ZNF611: variants seen among roughly 807,000 people sequenced by gnomAD.
ZNF611 encodes zinc finger protein 611.
ZNF611 carries 6 observed loss-of-function variants against 8.9 expected under a neutral mutation model. That is an observed-to-expected ratio of 0.68 (90% CI 0.37 to 1.34). The LOEUF is 1.34. ZNF611 is among the 40% of genes most tolerant of loss of function. The pLI is 0.02. For synonymous variants in ZNF611, 262 were observed against 279.7 expected (o/e 0.94, Z 0.63); for missense variants, 874 against 841.3 (o/e 1.04, Z -0.48).
chr19:52,718,488 G>T (rs142101491), intron 3 of ZNF611, among the ~76,000 whole-genome samples: 8,874 of 151,792 alleles, frequency 0.058, 827 homozygotes, highest in African/African-American at 0.2. Context: ...CTGGACAGCA[G>T]TAAGAGTGTC....
intron 3 of ZNF611, among the ~76,000 whole-genome samples, chr19:52,722,312 G>T (rs927709018): frequency 5.3e-5 from 8 of 152,120 alleles, no homozygotes; most frequent in African/African-American, 1.9e-4. Context: ...AGCCTAAGAG[G>T]TCGAGGCTGC....
At chr19:52,732,332 T>C (rs959167861) in intron 1 of ZNF611, among the ~76,000 whole-genome samples, 1 of 138,248 alleles carries the variant, frequency 7.2e-6, no homozygotes, top group Non-Finnish European at 1.6e-5. Context: ...ACTCACAGTA[T>C]TGAGTTATTC....
intron 3 of ZNF611, among the ~76,000 whole-genome samples, chr19:52,719,033 G>T (rs1238461003): frequency 6.6e-6 from 1 of 151,814 alleles, no homozygotes; most frequent in Admixed American, 6.6e-5. Context: ...AGACAGGTGT[G>T]GTGGCAGCTG....
intron 5 of ZNF611, 132 bp downstream of exon 5, chr19:52,713,882 AC>A (rs1282274765): frequency 1.3e-6 from 2 of 1,525,652 alleles, no homozygotes; most frequent in East Asian, 4.5e-5. Context: ...TAGGAGCGAA[AC>A]ACCATCTCAA....
intron 3 of ZNF611, among the ~76,000 whole-genome samples, chr19:52,718,357 TA>T (rs1215041884): frequency 1.3e-4 from 19 of 151,442 alleles, no homozygotes; most frequent in African/African-American, 4.1e-4. Context: ...ATCTAAACAT[TA>T]GCCAGGCCTG....
chr19:52,707,057 T>TTA (rs2062250679), intron 5 of ZNF611, among the ~76,000 whole-genome samples, 193 bp from the exon 6 acceptor site: 2 of 152,176 alleles, frequency 1.3e-5, no homozygotes, highest in Non-Finnish European at 2.9e-5. Flanking sequence ...GACAATTCTA[T>TTA]GAAAGCCTAT....
chr19:52,705,770 T>C lies in ZNF611; in HGVS notation c.1285A>G (p.Asn429Asp), dbSNP rs147541550. Residue 429 changes from asparagine (N) to aspartate (D), a missense_variant, in exon 6 of 6, where the codon AAT (asparagine) becomes GAT (aspartate). By Grantham distance (23) the Asn-to-Asp change is conservative (BLOSUM62 1). Transcript: ENST00000652185. ...TGACTGAAGGTCTTGCCACACTCAT[T>C]ACATTTATAAGTTTTCTTTGCAGTA... ...IHTAKKTYKC[N>D]ECGKTFSHKS... is the part of the protein sequence containing the mutation. The C allele has an allele frequency of 5.8e-5, 93 of 1,614,092 alleles. No homozygotes were observed. In the African/African-American group the frequency reaches 1.2e-3, roughly 21 times the overall value.
rs753252571 is a variant in ZNF611 at position 52,704,960 on chromosome 19, T to C, written c.2095A>G (p.Ile699Val). Residue 699 changes from isoleucine (I) to valine (V), a missense_variant, in exon 6 of 6, where the codon ATT becomes GTT. By Grantham distance (29) the Ile-to-Val change is conservative. Transcript: ENST00000652185. ...TTCTAAGGTTTCTCTCCAGTATGAA[T>C]TCTATGATGACGTGAAAGGTGTGAT... ...QQSHLSRHHRIHTGEKP is the reference protein window; with the variant it reads ...QQSHLSRHHRVHTGEKP The C allele has an allele frequency of 2.5e-6, 4 of 1,614,158 alleles. No individual in the cohort carries two copies. Among genetic ancestry groups the C allele is most frequent in the Non-Finnish European group, 2.5e-6 (3 of 1,180,018 alleles).
At chr19:52,723,771 T>C (rs1417864918) in intron 3 of ZNF611, 2 of 152,184 alleles carry the variant, frequency 1.3e-5, no homozygotes, top group Admixed American at 1.3e-4. Context: ...GAGAGGGGGA[T>C]GTGGAAGGAC....
rs1290869100 is a variant in ZNF611, at chr19:52,734,539, G to A, written c.-222+462C>T. 3.4e-4 allele frequency among the ~76,000 whole-genome samples: 18 copies of A among 52,224 alleles called. No individual in the cohort carries two copies. In the South Asian group the frequency reaches 3.8e-3, roughly 11 times the overall value. The allele number at this position is 52,224 out of a possible 152,430, so 34.3% of individuals were successfully genotyped here. A position where few individuals can be genotyped will look rare whatever the true frequency, so the allele number is the denominator to read the frequency against. Reference sequence around the variant, plus strand: ...GCATGAGGAGGAAGGTGCGGGGCGGGGGGGGGGGGCGCGACGGCGCCTTAG... The same window carrying A: ...GCATGAGGAGGAAGGTGCGGGGCGGAGGGGGGGGGCGCGACGGCGCCTTAG... On this transcript the variant is annotated intron_variant, in intron 1 of 5. Transcript: ENST00000652185.
intron 3 of ZNF611, chr19:52,721,216 G>A (rs768633427): frequency 3.8e-5 from 6 of 157,806 alleles, no homozygotes; most frequent in African/African-American, 1.2e-4. Flanking sequence ...CGGGCAGAGA[G>A]GCTCCTCACA....
chr19:52,729,644 C>T (rs2062413712), intron 2 of ZNF611, among the ~76,000 whole-genome samples: 1 of 151,908 alleles, frequency 6.6e-6, no homozygotes, highest in African/African-American at 2.4e-5. Flanking sequence ...AGTTATATTA[C>T]ATATCACATA....
intron 4 of ZNF611, 39 bp downstream of exon 4, chr19:52,715,793 G>T: frequency 3.1e-6 from 5 of 1,603,788 alleles, no homozygotes; most frequent in Non-Finnish European, 4.2e-6. Context: ...TTTCAGAAAC[G>T]AAAGACACAG....
intron 1 of ZNF611, among the ~76,000 whole-genome samples, 181 bp from the exon 2 acceptor site, chr19:52,730,186 G>C (rs926151501): frequency 6.6e-6 from 1 of 151,996 alleles, no homozygotes; most frequent in Non-Finnish European, 1.5e-5. Context: ...GAGGTCAGGA[G>C]ATCGAGACCA....
rs397859789 is a variant in ZNF611, at chr19:52,729,492, C to CAAAAAAAAAAAAAA, written c.-122+400_-122+413dup. On this transcript the variant is annotated intron_variant, in intron 2 of 5. Transcript: ENST00000652185. ...TGGGTGACAGAGCGAGACTCCATCT[C>CAAAAAAAAAAAAAA]AAAAAAAAAAAAAAAAAAAAAAAAA... 8.0e-3 allele frequency among the ~76,000 whole-genome samples: 339 copies of CAAAAAAAAAAAAAA among 42,374 alleles called. 4 individuals are homozygous for CAAAAAAAAAAAAAA. Among genetic ancestry groups the CAAAAAAAAAAAAAA allele is most frequent in the Middle Eastern group, 0.026 (1 of 38 alleles). 27.8% of individuals were successfully genotyped at this position (42,374 alleles called of 152,430 possible).
chr19:52,722,910 T>TG (rs1397094957), intron 3 of ZNF611, among the ~76,000 whole-genome samples: 1 of 149,574 alleles, frequency 6.7e-6, no homozygotes, highest in Non-Finnish European at 1.5e-5. Flanking sequence ...TTTTCGTTTT[T>TG]TTTTTTTTTT....
chr19:52,714,104 G>C lies in ZNF611; in HGVS notation c.101C>G (p.Ser34Ter), dbSNP rs769173965. The change falls in exon 5 of 6, where the codon TCA (serine) becomes TGA (stop). Residue 34 changes from serine (S) to a stop codon, truncating the protein, a stop_gained. Transcript: ENST00000652185. LOFTEE classifies it high-confidence loss of function. Reference protein sequence around the residue: ...LTFRDVAIEFSLAEWKCLNPS... With the variant: ...LTFRDVAIEF ...GTTCAGGCATTTCCACTCTGCCAAT[G>C]AGAATTCTATAGCCACATCCCGGAA... 8.1e-6 allele frequency: 13 copies of C among 1,613,816 alleles called. No individual in the cohort carries two copies. In the African/African-American group the frequency reaches 1.5e-4, roughly 18 times the overall value.
intron 1 of ZNF611, among the ~76,000 whole-genome samples, chr19:52,732,586 T>TGAATAACTCACAGTATTGAGTTATTCA (rs2062433172): frequency 1.3e-5 from 2 of 149,046 alleles, no homozygotes; most frequent in Admixed American, 6.7e-5. Flanking sequence ...TGAGTTATTC[T>TGAATAACTCACAGTATTGAGTTATTCA]GAATAACTCA....
At chr19:52,730,391 C>CAAAAAAAAAAA (rs1159350274) in intron 1 of ZNF611, among the ~76,000 whole-genome samples, 1 of 73,534 alleles carries the variant, frequency 1.4e-5, no homozygotes, top group East Asian at 5.7e-4. Context: ...GACTCCGTCT[C>CAAAAAAAAAAA]AAAAAAAAAA....
Sources: gnomAD v4.1 joint callset for allele counts (sites outside exome capture counted in the v4.1 genomes callset) on GRCh38, gnomAD v4.1.1 for gene constraint, MANE v1.5 for transcripts, NCBI Gene and HGNC (gene_info 2026-07-23, HGNC 2026-07-21) for gene names.